Variants in CHEK1 observed in about 807,000 individuals in gnomAD.
CHEK1 encodes serine/threonine-protein kinase Chk1.
Under a neutral mutation model 60.2 loss-of-function variants are expected in CHEK1, and 32 were observed. The observed-to-expected ratio is 0.53, with a 90% CI of 0.40 to 0.71. The LOEUF (loss-of-function observed/expected upper bound fraction) is 0.71. Among genes scored for constraint, CHEK1 ranks in the 30% least tolerant of loss-of-function variants. The pLI is 0.00. For missense variants in CHEK1, 399 were observed against 564.6 expected (o/e 0.71, Z 2.97); for synonymous variants, 179 against 187.2 (o/e 0.96, Z 0.36).
chr11:125,641,116 A>G (rs1376063246), intron 8 of CHEK1, among the ~76,000 whole-genome samples: 2 of 152,140 alleles, frequency 1.3e-5, no homozygotes, highest in Admixed American at 6.5e-5. Flanking sequence ...GTTTGGTACC[A>G]TTTGTACTTT....
chr11:125,657,187 T>TTTTGTGTG (rs140073080), downstream of CHEK1: 5 of 147,222 alleles, frequency 3.4e-5, no homozygotes, highest in Non-Finnish European at 5.9e-5. Flanking sequence ...CAACCTATGC[T>TTTTGTGTG]TGTGTGTGTG....
chr11:125,680,315 C>T (rs142744729), downstream of CHEK1, among the ~76,000 whole-genome samples: 22 of 152,258 alleles, frequency 1.4e-4, 1 homozygote, highest in East Asian at 4.3e-3. Context: ...ATAGCTCTGT[C>T]GTGTTCTGAG....
chr11:125,641,480 A>C (rs1276568714), intron 8 of CHEK1, among the ~76,000 whole-genome samples: 2 of 152,214 alleles, frequency 1.3e-5, no homozygotes, highest in Non-Finnish European at 2.9e-5. Context: ...AGTCACATTT[A>C]TATCAACCTA....
At chr11:125,678,078 C>T, downstream of CHEK1, 1 of 1,614,214 alleles carries the variant, frequency 6.2e-7, no homozygotes, top group Non-Finnish European at 8.5e-7. Flanking sequence ...AGCATGCTCA[C>T]TCTCAGCATG....
chr11:125,640,914 C>T (rs1027518933), intron 8 of CHEK1, among the ~76,000 whole-genome samples: 22 of 152,076 alleles, frequency 1.4e-4, no homozygotes, highest in Non-Finnish European at 2.8e-4. Context: ...TAGGCATGAG[C>T]CACAATGCCC....
intron 13 of CHEK1, among the ~76,000 whole-genome samples, chr11:125,672,949 G>A (rs1367394721): frequency 6.6e-6 from 1 of 152,068 alleles, no homozygotes; most frequent in Non-Finnish European, 1.5e-5. Context: ...TTACAAGGAT[G>A]CTCAGGTTAC....
chr11:125,627,590 ACT>A lies in CHEK1; in HGVS notation c.66-14_66-13del. On this transcript the variant is annotated splice_polypyrimidine_tract_variant and intron_variant, in intron 2 of 12. Transcript: ENST00000438015. ...AGAAATGGAATTCTGTAATGTTAAA[ACT>A]CTTTTCCTTTTTAGAGTTCAACTTG... is the stretch of plus-strand genomic sequence containing the variant. The A allele has an allele frequency of 1.9e-6, 3 of 1,589,080 alleles. No individual in the cohort carries two copies. Among genetic ancestry groups the A allele is most frequent in the Non-Finnish European group, 2.6e-6 (3 of 1,167,960 alleles).
chr11:125,673,008 T>C (rs1192691394), intron 13 of CHEK1, among the ~76,000 whole-genome samples: 3 of 152,098 alleles, frequency 2.0e-5, no homozygotes, highest in Non-Finnish European at 4.4e-5. Context: ...CCTAGCACTA[T>C]CCTTCCTTTC....
At chr11:125,664,535 G>C (rs966446740) in intron 13 of CHEK1, among the ~76,000 whole-genome samples, 6 of 151,924 alleles carry the variant, frequency 3.9e-5, no homozygotes, top group Admixed American at 3.9e-4. Flanking sequence ...ATGCCTGGCC[G>C]AACATTTTTT....
intron 13 of CHEK1, among the ~76,000 whole-genome samples, chr11:125,665,747 TTTTCCAA>T (rs1354098930): frequency 6.6e-6 from 1 of 152,026 alleles, no homozygotes; most frequent in Non-Finnish European, 1.5e-5. Context: ...GTCTTCTAGC[TTTTCCAA>T]TTTTTTGGCA....
rs139920442 is a variant in CHEK1 at position 125,647,159 on chromosome 11, G to A, written c.1233+2516G>A. 2.7e-3 allele frequency among the ~76,000 whole-genome samples: 406 copies of A among 152,158 alleles called. 1 individual carries two copies. Among genetic ancestry groups the A allele is most frequent in the African/African-American group, 8.8e-3 (366 of 41,512 alleles). ...ATATTTAGGTCTTTGTCCATTTTGA[G>A]TTAATATTTGTATATAGTATGATGT... is the stretch of plus-strand genomic sequence containing the variant. On this transcript the variant is annotated intron_variant, in intron 11 of 12. Transcript: ENST00000438015.
chr11:125,660,879 G>T (rs1181029228), downstream of CHEK1, among the ~76,000 whole-genome samples: 1 of 152,002 alleles, frequency 6.6e-6, no homozygotes, highest in African/African-American at 2.4e-5. Flanking sequence ...GGGTTCAAGC[G>T]ATTCTCCTGC....
downstream of CHEK1, among the ~76,000 whole-genome samples, chr11:125,679,248 C>T (rs543815111): frequency 1.2e-4 from 13 of 110,706 alleles, no homozygotes; most frequent in East Asian, 1.3e-3. Flanking sequence ...GATAGAGTCT[C>T]GCTCTGTTGC....
intron 8 of CHEK1, 143 bp from the exon 9 acceptor site, chr11:125,643,649 C>T (rs1941386835): frequency 6.7e-6 from 4 of 594,610 alleles, no homozygotes; most frequent in Non-Finnish European, 2.9e-6. Context: ...TATAGGAAGA[C>T]TTTGTTTTAT....
intron 8 of CHEK1, among the ~76,000 whole-genome samples, chr11:125,642,013 C>A (rs1216214226): frequency 6.6e-6 from 1 of 151,956 alleles, no homozygotes; most frequent in African/African-American, 2.4e-5. Context: ...TTCTGCTTTG[C>A]TCCCCCTTGG....
At chr11:125,634,025 T>C (rs1243004303) in intron 6 of CHEK1, among the ~76,000 whole-genome samples, 1 of 124,564 alleles carries the variant, frequency 8.0e-6, no homozygotes, top group African/African-American at 3.1e-5. Context: ...TAGACCAGAG[T>C]CTTGCTCTGT....
At chr11:125,635,260 G>C (rs1009352820) in intron 6 of CHEK1, among the ~76,000 whole-genome samples, 169 bp from the exon 7 acceptor site, 2 of 152,064 alleles carry the variant, frequency 1.3e-5, no homozygotes, top group Non-Finnish European at 2.9e-5. Flanking sequence ...TGCCTATCCT[G>C]ATTCATCTAT....
intron 5 of CHEK1, 103 bp downstream of exon 5, chr11:125,629,563 G>A (rs1940778893): frequency 1.2e-6 from 1 of 821,564 alleles, no homozygotes; most frequent in East Asian, 2.8e-5. Flanking sequence ...GCAAAATCAA[G>A]TCTTTTTGCA....
At chr11:125,678,922 T>C (rs1303447936), downstream of CHEK1, among the ~76,000 whole-genome samples, 1 of 141,930 alleles carries the variant, frequency 7.0e-6, no homozygotes, top group Non-Finnish European at 1.5e-5. Context: ...GGTTGGGGAT[T>C]CAGAGAGCAA....
Sources: gnomAD v4.1 joint callset for allele counts (sites outside exome capture counted in the v4.1 genomes callset) on GRCh38, gnomAD v4.1.1 for gene constraint, MANE v1.5 for transcripts, NCBI Gene and HGNC (gene_info 2026-07-23, HGNC 2026-07-21) for gene names.